Variants in SPO11 observed in about 807,000 individuals in gnomAD.
SPO11 encodes the protein meiotic recombination protein SPO11.
Under a neutral mutation model 51.6 loss-of-function variants are expected in SPO11, and 49 were observed. The observed-to-expected ratio is 0.95, with a 90% confidence interval of 0.75 to 1.20. The LOEUF (loss-of-function observed/expected upper bound fraction) is 1.20, where lower values mean the gene tolerates loss of function less well. Among genes scored for constraint, SPO11 ranks in the 50% most tolerant of loss-of-function variants. The pLI, the probability that SPO11 is intolerant of heterozygous loss-of-function variation, is 0.00. For missense variants in SPO11, 431 were observed against 473.4 expected, an observed-to-expected ratio of 0.91 and a Z score of 0.83; for synonymous variants, 176 against 158.2, an observed-to-expected ratio of 1.11 and a Z score of -0.84.
chr20:57,342,439 T>C (rs556355771), intron 11 of SPO11, among the ~76,000 whole-genome samples: 40 of 152,320 alleles, frequency 2.6e-4, no homozygotes, highest in African/African-American at 9.6e-4. Flanking sequence ...ATTTGTTTAA[T>C]AACCAATATC....
chr20:57,341,181 G>A (rs538240433), intron 11 of SPO11, among the ~76,000 whole-genome samples: 2 of 152,284 alleles, frequency 1.3e-5, no homozygotes, highest in African/African-American at 4.8e-5. Flanking sequence ...AACTCTAGAT[G>A]TGCTAGTGTT....
In SPO11 at chr20:57,343,415, CA is replaced by C; in HGVS notation, c.1147del (p.Arg383GlufsTer8). The C allele has an allele frequency of 6.2e-7, 1 of 1,611,136 alleles. No individual in the cohort carries two copies. Among genetic ancestry groups the C allele is most frequent in the East Asian group, 2.2e-5 (1 of 44,680 alleles). ...CTTTCCTATCATCAGATTATCTTTCCAGAGTGTACTTACCTAACAAATTAAA... is the reference window on the plus strand; with the variant it reads ...CTTTCCTATCATCAGATTATCTTTCCGAGTGTACTTACCTAACAAATTAAA... ...LTFLSSDYLS[R>X]VYLPNKLKFG... On this transcript the variant is annotated frameshift_variant, in exon 13 of 13. Coordinates refer to ENST00000371263, the MANE Select transcript of SPO11 (RefSeq NM_012444.3). LOFTEE classifies it high-confidence loss of function.
At chr20:57,331,443 T>C (rs974641256) in intron 1 of SPO11, among the ~76,000 whole-genome samples, 1 of 152,228 alleles carries the variant, frequency 6.6e-6, no homozygotes, top group African/African-American at 2.4e-5. Context: ...TTAAAACATA[T>C]ATCAGTAGTA....
intron 4 of SPO11, 92 bp downstream of exon 4, chr20:57,333,845 A>C: frequency 1.0e-6 from 1 of 964,798 alleles, no homozygotes; most frequent in South Asian, 1.6e-5. Flanking sequence ...AAGTTACATA[A>C]GACTAAACTA....
In SPO11 at chr20:57,329,968, C is replaced by A. The variant is rs1011540206; in HGVS notation, c.101C>A (p.Pro34His). ...LAALRRGGRE[P>H]PTGGSRLASS... Reference sequence around the variant, plus strand: ...GCCCTGAGGAGAGGTGGCAGGGAGCCCCCAACTGGGGGAAGCCGCCTGGCC... The same window carrying A: ...GCCCTGAGGAGAGGTGGCAGGGAGCACCCAACTGGGGGAAGCCGCCTGGCC... Residue 34 changes from proline (P) to histidine (H), a missense_variant, in exon 1 of 13, where the codon CCC becomes CAC. Physicochemically the swap from Pro to His is moderately conservative, Grantham distance 77. Around this residue, in one of 3 missense-constraint regions of SPO11, gnomAD observed 405 missense variants for 425.9 expected, o/e 0.95. Transcript: ENST00000371263. 2 of 1,609,882 alleles carry A rather than the reference C, an allele frequency of 1.2e-6. No homozygotes were observed. The highest frequency in any genetic ancestry group is 3.4e-5 in the Admixed American group (2 of 59,604).
intron 4 of SPO11, 69 bp from the exon 5 acceptor site, chr20:57,333,918 A>G (rs939301787): frequency 3.8e-5 from 38 of 1,008,908 alleles, no homozygotes; most frequent in Non-Finnish European, 5.4e-5. Context: ...TCTTCAATTA[A>G]CACTGTAATA....
intron 11 of SPO11, among the ~76,000 whole-genome samples, chr20:57,342,511 G>T (rs1258822495): frequency 6.6e-6 from 1 of 152,184 alleles, no homozygotes; most frequent in Non-Finnish European, 1.5e-5. Context: ...AAAAACTTTA[G>T]AATCTTACTG....
Position 57,338,376 on chromosome 20 carries a change from G to A in SPO11, c.844+1G>A, listed in dbSNP as rs750267787. On this transcript the variant is annotated splice_donor_variant, in intron 9 of 12. Coordinates refer to ENST00000371263, the MANE Select transcript of SPO11 (RefSeq NM_012444.3). LOFTEE classifies it high-confidence loss of function. ...ACTCTTGTAGATGCTGATCCACATG[G>A]TAATTTATCACTGGACTATTTACAA... The A allele has an allele frequency of 6.3e-7, 1 of 1,584,820 alleles. No individual in the cohort carries two copies. The highest frequency in any genetic ancestry group is 1.3e-5 in the African/African-American group (1 of 74,164).
At chr20:57,333,040 C>G (rs1159533180) in intron 2 of SPO11, 148 bp from the exon 3 acceptor site, 1 of 584,840 alleles carries the variant, frequency 1.7e-6, no homozygotes, top group Non-Finnish European at 3.0e-6. Flanking sequence ...GATCTATGCT[C>G]TCAAACCAGT....
chr20:57,338,364 C>T lies in SPO11; in HGVS notation c.833C>T (p.Ala278Val), dbSNP rs1267202217. The change falls in exon 9 of 13, where the codon GCT becomes GTT. Residue 278 changes from alanine to valine, a missense_variant. Physicochemically the swap from Ala to Val is moderately conservative, Grantham distance 64. Coordinates refer to ENST00000371263, the MANE Select transcript of SPO11 (RefSeq NM_012444.3). ...FHVPVFTLVD[A>V]DPHGIEIMCI... ...GTTCCTGTTTTCACTCTTGTAGATG[C>T]TGATCCACATGGTAATTTATCACTG... The T allele has an allele frequency of 3.7e-6, 6 of 1,604,808 alleles. No individual in the cohort carries two copies. Among genetic ancestry groups the T allele is most frequent in the East Asian group, 2.2e-5 (1 of 44,820 alleles).
intron 10 of SPO11, among the ~76,000 whole-genome samples, chr20:57,339,399 A>C (rs1033971426): frequency 2.0e-5 from 3 of 152,194 alleles, no homozygotes; most frequent in African/African-American, 7.2e-5. Context: ...TTCTCCCACC[A>C]TAAGGAGAAA....
rs1416134531 is a variant in SPO11, at chr20:57,333,233, C to T, written c.291C>T (p.Thr97=). Residue 97 remains threonine (T), a synonymous_variant, in exon 3 of 13, where the codon ACC becomes ACT. Transcript: ENST00000371263. ...VGLQMVSHCT[T]RKIKSDSPKS... ...TTCAGATGGTATCCCATTGCACCACCAGAAAGATCAAAAGTGATTCACCAA... is the reference window on the plus strand; with the variant it reads ...TTCAGATGGTATCCCATTGCACCACTAGAAAGATCAAAAGTGATTCACCAA... 1 of 1,610,238 alleles carries T rather than the reference C, an allele frequency of 6.2e-7. No individual in the cohort carries two copies. The highest frequency in any genetic ancestry group is 8.5e-7 in the Non-Finnish European group (1 of 1,179,022).
At chr20:57,342,899 G>T in intron 12 of SPO11, 59 bp downstream of exon 12, 1 of 1,150,682 alleles carries the variant, frequency 8.7e-7, no homozygotes, top group Non-Finnish European at 1.3e-6. Flanking sequence ...CTTTAGTAGT[G>T]GCTATTCACA....
chr20:57,338,362 T>C lies in SPO11; in HGVS notation c.831T>C (p.Asp277=), dbSNP rs188082380. Residue 277 remains aspartate, a synonymous_variant, in exon 9 of 13, where the codon GAT becomes GAC. Transcript: ENST00000371263. ...ATGTTCCTGTTTTCACTCTTGTAGA[T>C]GCTGATCCACATGGTAATTTATCAC... The part of the protein sequence containing the change: ...TFHVPVFTLV[D]ADPHGIEIMC... The C allele has an allele frequency of 1.2e-6, 2 of 1,608,708 alleles. No individual in the cohort carries two copies. Among genetic ancestry groups the C allele is most frequent in the East Asian group, 2.2e-5 (1 of 44,852 alleles).
Position 57,337,788 on chromosome 20 carries a change from CT to C in SPO11, c.745-480del, listed in dbSNP as rs35722273. The C allele has an allele frequency of 7.6e-5, 98 of 1,296,260 alleles. No individual in the cohort carries two copies. In the East Asian group the frequency reaches 8.0e-4, roughly 11 times the overall value. 80.3% of individuals were successfully genotyped at this position (1,296,260 alleles called of 1,614,324 possible). On this transcript the variant is annotated intron_variant, in intron 8 of 12. Transcript: ENST00000371263. Reference sequence around the variant, plus strand: ...AAATCCAAGGTAGGAAGATGTAACCCTTTTTTTTGGTGCTGTGACTCAGATA... The same window carrying C: ...AAATCCAAGGTAGGAAGATGTAACCCTTTTTTTGGTGCTGTGACTCAGATA...
At chr20:57,341,585 T>C (rs1438767125) in intron 11 of SPO11, among the ~76,000 whole-genome samples, 1 of 152,226 alleles carries the variant, frequency 6.6e-6, no homozygotes, top group East Asian at 1.9e-4. Flanking sequence ...TTCCTAAATA[T>C]GGAATGTGAA....
At chr20:57,338,574 G>A (rs1301450785) in intron 9 of SPO11, among the ~76,000 whole-genome samples, 199 bp downstream of exon 9, 1 of 151,826 alleles carries the variant, frequency 6.6e-6, no homozygotes, top group African/African-American at 2.4e-5. Flanking sequence ...CTCCTGAGTA[G>A]CTGGAACTAT....
rs557300525 is a variant in SPO11, at chr20:57,338,535, C to T, written c.844+160C>T. Among the ~76,000 whole-genome samples, 34 of 152,044 alleles carry T rather than the reference C, an allele frequency of 2.2e-4. No individual in the cohort carries two copies. The East Asian group carries it at 6.0e-3, about 27-fold the overall frequency. On this transcript the variant is annotated intron_variant, in intron 9 of 12. Transcript: ENST00000371263. ...CTTGGCTCACTGCAACCTCCACCTC[C>T]TGGGTTCAAGTGATTCTCCTGCCTC...
Position 57,343,396 on chromosome 20 carries a change from TATC to T in SPO11, c.1132_1134del (p.Ser378del), listed in dbSNP as rs2066607505. 5 of 1,611,464 alleles carry T rather than the reference TATC, an allele frequency of 3.1e-6. No homozygotes were observed. Among genetic ancestry groups the T allele is most frequent in the Non-Finnish European group, 4.2e-6 (5 of 1,178,940 alleles). ...GCAGAAATTCAAGCTTTGACTTTCC[TATC>T]ATCAGATTATCTTTCCAGAGTGTAC... is the stretch of plus-strand genomic sequence containing the variant. On this transcript the variant is annotated inframe_deletion, in exon 13 of 13. Transcript: ENST00000371263.
Sources: gnomAD v4.1 joint callset for allele counts (sites outside exome capture counted in the v4.1 genomes callset) on GRCh38, gnomAD v4.1.1 for gene constraint, gnomAD v4.1.1 regional missense constraint, MANE v1.5 for transcripts, NCBI Gene and HGNC (gene_info 2026-07-23, HGNC 2026-07-21) for gene names.